CORO2B: variants seen among roughly 807,000 people sequenced by gnomAD.
CORO2B encodes coronin-2B.
In CORO2B, 26 loss-of-function variants were observed where a neutral mutation model predicts 58.8. The observed-to-expected ratio is 0.44, with a 90% CI of 0.32 to 0.61. CORO2B has a LOEUF of 0.61. Among genes scored for constraint, CORO2B ranks in the 20% least tolerant of loss-of-function variants. The pLI is 0.04. For missense variants in CORO2B, 460 were observed against 645.1 expected, an observed-to-expected ratio of 0.71 and a Z score of 3.11; for synonymous variants, 242 against 253.8, an observed-to-expected ratio of 0.95 and a Z score of 0.44.
chr15:68,682,789 C>T (rs952942416), intron 2 of CORO2B, among the ~76,000 whole-genome samples: 2 of 152,192 alleles, frequency 1.3e-5, no homozygotes, highest in Non-Finnish European at 2.9e-5. Flanking sequence ...TCCCCTGAAT[C>T]CCAGAGTGCT....
At chr15:68,528,646 CT>C in the CORO2B span, among the ~76,000 whole-genome samples, 1 of 146,410 alleles carries the variant, frequency 6.8e-6, no homozygotes, top group Non-Finnish European at 1.5e-5. Context: ...ACATGATGGT[CT>C]CATAATGAGT....
chr15:68,566,514 C>A, the CORO2B span, among the ~76,000 whole-genome samples: 2 of 152,172 alleles, frequency 1.3e-5, no homozygotes, highest in Non-Finnish European at 2.9e-5. Flanking sequence ...CCTCCCCTTC[C>A]CTCCAGCCTC....
intron 10 of CORO2B, 61 bp from the exon 11 acceptor site, chr15:68,719,352 T>C: frequency 6.2e-7 from 1 of 1,608,216 alleles, no homozygotes; most frequent in Non-Finnish European, 8.5e-7. Flanking sequence ...CCCAGCCTGC[T>C]GGACCATCAC....
At chr15:68,703,084 C>A (rs978729114) in intron 3 of CORO2B, among the ~76,000 whole-genome samples, 1 of 151,038 alleles carries the variant, frequency 6.6e-6, no homozygotes, top group Non-Finnish European at 1.5e-5. Context: ...GCCTCGCATC[C>A]CAAAGTGCTG....
intron 2 of CORO2B, among the ~76,000 whole-genome samples, chr15:68,653,418 G>A (rs1901702918): frequency 6.6e-6 from 1 of 152,070 alleles, no homozygotes; most frequent in Admixed American, 6.6e-5. Flanking sequence ...TCAGCCAAGG[G>A]GCCATTGGGC....
chr15:68,607,089 G>A (rs1321805971), intron 1 of CORO2B, among the ~76,000 whole-genome samples: 1 of 152,184 alleles, frequency 6.6e-6, no homozygotes, highest in East Asian at 1.9e-4. Context: ...GTAGGTGGAG[G>A]GGTTAGCAAG....
chr15:68,674,695 A>G (rs1397852572), intron 2 of CORO2B, among the ~76,000 whole-genome samples: 1 of 152,202 alleles, frequency 6.6e-6, no homozygotes, highest in Non-Finnish European at 1.5e-5. Context: ...AAGAACATCA[A>G]ACTCAGCAGT....
At chr15:68,715,382 C>A in intron 8 of CORO2B, 71 bp downstream of exon 8, 1 of 1,093,480 alleles carries the variant, frequency 9.1e-7, no homozygotes, top group South Asian at 1.3e-5. Flanking sequence ...ATGGGTCACC[C>A]CCTCCCTTAA....
chr15:68,542,072 T>A, the CORO2B span, among the ~76,000 whole-genome samples: 14 of 152,334 alleles, frequency 9.2e-5, no homozygotes, highest in African/African-American at 3.4e-4. Flanking sequence ...GATGACTTCA[T>A]TGCCTGAGGT....
intron 2 of CORO2B, among the ~76,000 whole-genome samples, chr15:68,649,037 A>G (rs933659593): frequency 6.6e-6 from 1 of 152,202 alleles, no homozygotes; most frequent in Non-Finnish European, 1.5e-5. Flanking sequence ...TCTCTGTCAA[A>G]TTGCTTAAAC....
the CORO2B span, among the ~76,000 whole-genome samples, chr15:68,556,243 G>A: frequency 2.6e-5 from 4 of 152,186 alleles, no homozygotes; most frequent in African/African-American, 7.2e-5. Flanking sequence ...GAGCGCTGGG[G>A]CCACCCTGGA....
In CORO2B at chr15:68,727,433, G is replaced by C. The variant is rs1893330755; in HGVS notation, c.*1459G>C. ...CTGTTCTCAGAAGAGTCACAGTTTG[G>C]GGTGAGATCTGGAAATCAAGAAATG... On this transcript the variant is annotated 3_prime_UTR_variant, in exon 12 of 12. Transcript: ENST00000261861. The C allele has an allele frequency of 6.6e-6, 1 of 152,174 alleles. No homozygotes were observed. The highest frequency in any genetic ancestry group is 2.4e-5 in the African/African-American group (1 of 41,398). 9.4% of individuals were successfully genotyped at this position (152,174 alleles called of 1,614,324 possible).
rs1454140839 is a variant in CORO2B, at chr15:68,586,387, G to C, written c.15+7110G>C. Among the ~76,000 whole-genome samples the C allele has an allele frequency of 3.3e-5, 5 of 152,124 alleles. No homozygotes were observed. The East Asian group carries it at 9.6e-4, about 29-fold the overall frequency. ...AGGGATGAGGAAGTGACTTTAAGTT[G>C]AGTCATGAAGGATGAGTAGGAGGTA... On this transcript the variant is annotated intron_variant, in intron 1 of 11. Transcript: ENST00000261861.
intron 2 of CORO2B, among the ~76,000 whole-genome samples, chr15:68,690,656 T>C (rs1892337080): frequency 6.7e-6 from 1 of 149,780 alleles, no homozygotes; most frequent in Non-Finnish European, 1.5e-5. Context: ...CTTTTTTTTT[T>C]TTTTTTTTTT....
chr15:68,540,725 TAAGTA>T, the CORO2B span, among the ~76,000 whole-genome samples: 1 of 152,156 alleles, frequency 6.6e-6, no homozygotes, highest in African/African-American at 2.4e-5. Context: ...AGAACATTCT[TAAGTA>T]AAGTTGGCTT....
At chr15:68,520,873 C>T in the CORO2B span, among the ~76,000 whole-genome samples, 8 of 152,094 alleles carry the variant, frequency 5.3e-5, no homozygotes, top group African/African-American at 7.2e-5. Flanking sequence ...TGGCAAAACC[C>T]CATCTCCACT....
At position 68,635,731 on chromosome 15, in the gene CORO2B, T is replaced by C. The variant is rs114281235; in HGVS notation, c.16-9429T>C. On this transcript the variant is annotated intron_variant, in intron 1 of 11. Transcript: ENST00000261861. ...CAGACATTTCATTTTCCTGGCTCTC[T>C]GTGCAGAGTGAATATTGTGGGATCT... 6.6e-3 allele frequency among the ~76,000 whole-genome samples: 1,012 copies of C among 152,340 alleles called. 12 individuals are homozygous for C. The highest frequency in any genetic ancestry group is 0.023 in the African/African-American group (957 of 41,574).
intron 11 of CORO2B, among the ~76,000 whole-genome samples, chr15:68,722,586 T>C (rs12898318): frequency 1.3e-5 from 2 of 152,072 alleles, no homozygotes; most frequent in Non-Finnish European, 2.9e-5. Flanking sequence ...AAGCGGTTTT[T>C]TTGACAAAAG....
intron 1 of CORO2B, among the ~76,000 whole-genome samples, chr15:68,623,590 A>T (rs1900586812): frequency 6.7e-6 from 1 of 150,148 alleles, no homozygotes; most frequent in Non-Finnish European, 1.5e-5. Context: ...ATCTCAGGGC[A>T]GTGCGGTTGA....
Sources: gnomAD v4.1 joint callset for allele counts (sites outside exome capture counted in the v4.1 genomes callset) on GRCh38, gnomAD v4.1.1 for gene constraint, MANE v1.5 for transcripts, NCBI Gene and HGNC (gene_info 2026-07-23, HGNC 2026-07-21) for gene names.